The following LRP1B variants were observed in gnomAD, a reference collection of about 807,000 sequenced individuals.
The protein encoded by LRP1B is low-density lipoprotein receptor-related protein 1B.
In LRP1B, 217 loss-of-function variants were observed where a neutral mutation model predicts 556.6. That is an observed-to-expected ratio of 0.39 (90% CI 0.35 to 0.44). The LOEUF (loss-of-function observed/expected upper bound fraction) is 0.44. Among genes scored for constraint, LRP1B ranks in the 20% least tolerant of loss-of-function variants. The pLI is 1.00. For synonymous variants in LRP1B, 2,047 were observed against 1,865.8 expected, an observed-to-expected ratio of 1.10 and a Z score of -2.50; for missense variants, 5,053 against 5,620.8, an observed-to-expected ratio of 0.90 and a Z score of 3.23.
intron 72 of LRP1B, among the ~76,000 whole-genome samples, chr2:140,364,254 G>C (rs1349931357): frequency 6.6e-6 from 1 of 151,486 alleles, no homozygotes; most frequent in Non-Finnish European, 1.5e-5. Context: ...TTAGTGGGTG[G>C]CTTGTGAAAC....
intron 86 of LRP1B, among the ~76,000 whole-genome samples, chr2:140,254,240 CAT>C (rs1470789929): frequency 6.6e-5 from 10 of 152,194 alleles, no homozygotes; most frequent in African/African-American, 2.4e-4. Flanking sequence ...CACTATTCGA[CAT>C]ATATTTATTC....
At chr2:141,837,544 G>T (rs1228101182) in intron 1 of LRP1B, among the ~76,000 whole-genome samples, 1 of 151,986 alleles carries the variant, frequency 6.6e-6, no homozygotes, top group Non-Finnish European at 1.5e-5. Context: ...AGCACTAATT[G>T]ATTATCTTTA....
At chr2:141,658,077 AGC>A (rs1409778548) in intron 2 of LRP1B, among the ~76,000 whole-genome samples, 9 of 152,222 alleles carry the variant, frequency 5.9e-5, no homozygotes, top group Non-Finnish European at 8.8e-5. Context: ...ATCAGACTCA[AGC>A]AGATAGTCAA....
At chr2:141,653,953 A>C (rs1220165210) in intron 2 of LRP1B, among the ~76,000 whole-genome samples, 2 of 152,174 alleles carry the variant, frequency 1.3e-5, no homozygotes, top group Non-Finnish European at 2.9e-5. Context: ...GTATTCTTGA[A>C]GCTTACAATA....
chr2:141,765,168 T>C (rs1694694942), intron 2 of LRP1B, among the ~76,000 whole-genome samples: 1 of 152,140 alleles, frequency 6.6e-6, no homozygotes, highest in African/African-American at 2.4e-5. Flanking sequence ...AATAATTTAG[T>C]ATAACCTGAG....
intron 2 of LRP1B, among the ~76,000 whole-genome samples, chr2:141,576,422 G>A (rs572014332): frequency 1.5e-3 from 226 of 152,208 alleles, no homozygotes; most frequent in Non-Finnish European, 2.6e-3. Context: ...ACACAGAGAG[G>A]GGAACAACAT....
intron 1 of LRP1B, among the ~76,000 whole-genome samples, chr2:142,051,915 A>G (rs1488104172): frequency 3.3e-5 from 5 of 152,142 alleles, no homozygotes; most frequent in African/African-American, 1.2e-4. Context: ...CCATAATAGA[A>G]CTGTGAAAAT....
chr2:141,592,294 A>C (rs575142245), intron 2 of LRP1B, among the ~76,000 whole-genome samples: 1 of 152,314 alleles, frequency 6.6e-6, no homozygotes, highest in South Asian at 2.1e-4. Context: ...TATTTCTCAC[A>C]GTTCTGGAGA....
chr2:140,673,485 G>A (rs1286056457), intron 41 of LRP1B, among the ~76,000 whole-genome samples: 1 of 152,070 alleles, frequency 6.6e-6, no homozygotes, highest in South Asian at 2.1e-4. Flanking sequence ...AGTTAATACA[G>A]TTTTTTCCAC....
intron 3 of LRP1B, among the ~76,000 whole-genome samples, chr2:141,321,171 A>C (rs913082876): frequency 3.3e-5 from 5 of 152,108 alleles, no homozygotes; most frequent in African/African-American, 1.2e-4. Context: ...GTTCCTGATG[A>C]CCTCAGTACT....
At chr2:141,968,947 C>CT (rs1024116217) in intron 1 of LRP1B, among the ~76,000 whole-genome samples, 30 of 151,660 alleles carry the variant, frequency 2.0e-4, no homozygotes, top group African/African-American at 6.5e-4. Context: ...CATTCTATTT[C>CT]TTTTTTTCTT....
chr2:141,695,304 ATGAAAAGATAAGTTTTATTC>A (rs1691697561), intron 2 of LRP1B, among the ~76,000 whole-genome samples: 2 of 152,022 alleles, frequency 1.3e-5, no homozygotes, highest in Non-Finnish European at 2.9e-5. Context: ...ATATAAAAAC[ATGAAAAGATAAGTTTTATTC>A]TGTCCTCTTG....
chr2:141,229,529 T>C, intron 5 of LRP1B, 89 bp from the exon 6 acceptor site: 2 of 966,560 alleles, frequency 2.1e-6, no homozygotes, highest in East Asian at 5.2e-5. Flanking sequence ...CTATTTTCTA[T>C]ACTTTTAATA....
chr2:141,157,178 C>G (rs867613209), intron 7 of LRP1B, among the ~76,000 whole-genome samples: 17 of 151,902 alleles, frequency 1.1e-4, no homozygotes, highest in African/African-American at 1.9e-4. Flanking sequence ...TTTTTATTTG[C>G]TCTCAAGTTT....
At chr2:140,387,784 T>C (rs1001478395) in intron 66 of LRP1B, among the ~76,000 whole-genome samples, 1 of 152,196 alleles carries the variant, frequency 6.6e-6, no homozygotes, top group Admixed American at 6.5e-5. Flanking sequence ...TCAGGAAATA[T>C]GTTAGATTGA....
At chr2:140,782,796 C>T (rs1302877206) in intron 32 of LRP1B, among the ~76,000 whole-genome samples, 2 of 151,958 alleles carry the variant, frequency 1.3e-5, no homozygotes, top group African/African-American at 4.8e-5. Context: ...AGTTCCAGGC[C>T]CTTTGCAAGT....
intron 86 of LRP1B, among the ~76,000 whole-genome samples, chr2:140,261,996 T>C (rs1184058339): frequency 6.6e-6 from 1 of 151,972 alleles, no homozygotes; most frequent in Non-Finnish European, 1.5e-5. Flanking sequence ...TCTGTTCAAA[T>C]GGAGAAAGAA....
At chr2:141,810,013 T>C (rs963112211) in intron 2 of LRP1B, among the ~76,000 whole-genome samples, 8 of 151,204 alleles carry the variant, frequency 5.3e-5, no homozygotes, top group African/African-American at 1.7e-4. Context: ...ACTCCAAAAC[T>C]GCATTTTATG....
intron 41 of LRP1B, among the ~76,000 whole-genome samples, chr2:140,658,528 A>G (rs1162982523): frequency 2.0e-5 from 3 of 152,038 alleles, no homozygotes; most frequent in African/African-American, 7.2e-5. Flanking sequence ...ATTTCCAAAA[A>G]TAAAATAAAT....
Sources: gnomAD v4.1 joint callset for allele counts (sites outside exome capture counted in the v4.1 genomes callset) on GRCh38, gnomAD v4.1.1 for gene constraint, MANE v1.5 for transcripts, NCBI Gene and HGNC (gene_info 2026-07-23, HGNC 2026-07-21) for gene names.